The following RREB1 variants were observed in gnomAD, a reference collection of about 807,000 sequenced individuals.
RREB1 encodes the protein ras-responsive element-binding protein 1.
Under a neutral mutation model 117.8 loss-of-function variants are expected in RREB1, and 27 were observed. The observed-to-expected ratio is 0.23, with a 90% confidence interval of 0.17 to 0.32. RREB1 has a LOEUF of 0.32. Among genes scored for constraint, RREB1 ranks in the 10% least tolerant of loss-of-function variants. The pLI, the probability that RREB1 is intolerant of heterozygous loss-of-function variation, is 1.00. For missense variants in RREB1, 2,577 were observed against 2,378.2 expected (o/e 1.08, Z -1.74); for synonymous variants, 1,298 against 1,026.7 (o/e 1.26, Z -5.05).
At chr6:7,154,322 A>AG (rs1318586453) in intron 1 of RREB1, among the ~76,000 whole-genome samples, 1 of 152,204 alleles carries the variant, frequency 6.6e-6, no homozygotes, top group African/African-American at 2.4e-5. Flanking sequence ...AGAAATGTGG[A>AG]GGTGGGGCCC....
At chr6:7,172,607 G>C (rs1479145793) in intron 1 of RREB1, among the ~76,000 whole-genome samples, 1 of 152,060 alleles carries the variant, frequency 6.6e-6, no homozygotes, top group East Asian at 1.9e-4. Context: ...GTTGGACGAA[G>C]CAGCTCACGG....
intron 6 of RREB1, among the ~76,000 whole-genome samples, chr6:7,205,759 G>A (rs1440030606): frequency 6.6e-6 from 1 of 152,118 alleles, no homozygotes; most frequent in Non-Finnish European, 1.5e-5. Flanking sequence ...GTACTCTTTG[G>A]TTTAACTCTG....
Position 7,182,043 on chromosome 6 carries a change from G to A in RREB1, c.132G>A (p.Ser44=), listed in dbSNP as rs200955755. The change falls in exon 4 of 13, where the codon TCG becomes TCA. Residue 44 remains serine, a synonymous_variant. Transcript: ENST00000379938. ...GCCCCCAGGGGATCAAGTCCCCCTC[G>A]AAGCCTCCAGGACCAAATCGGATTG... ...GGSPQGIKSP[S]KPPGPNRIGR... 343 of 1,613,978 alleles carry A rather than the reference G, an allele frequency of 2.1e-4. 2 individuals carry two copies. The South Asian group carries it at 3.4e-3, about 16-fold the overall frequency.
chr6:7,140,059 C>T (rs1276157285), intron 1 of RREB1, among the ~76,000 whole-genome samples: 1 of 152,156 alleles, frequency 6.6e-6, no homozygotes, highest in Non-Finnish European at 1.5e-5. Flanking sequence ...AGTCCAAGGT[C>T]ACATGGATTT....
chr6:7,156,254 T>A (rs1209867105), intron 1 of RREB1, among the ~76,000 whole-genome samples: 1 of 152,228 alleles, frequency 6.6e-6, no homozygotes, highest in East Asian at 1.9e-4. Context: ...CCACTTCCTT[T>A]CCCTTCATCA....
Position 7,249,252 on chromosome 6 carries a change from TAAAC to T in RREB1, c.*288_*291del, listed in dbSNP as rs1267155142. ...GTTGTATTTTTCCAAAATGACTTCT[TAAAC>T]AAAACAAATATTATAATGAATTGTC... On this transcript the variant is annotated 3_prime_UTR_variant, in exon 13 of 13. Coordinates refer to ENST00000379938, the MANE Select transcript of RREB1 (RefSeq NM_001003699.4). 31 of 408,988 alleles carry T rather than the reference TAAAC, an allele frequency of 7.6e-5. 1 individual carries two copies. The highest frequency in any genetic ancestry group is 3.2e-4 in the Admixed American group (8 of 24,968). 25.3% of individuals were successfully genotyped at this position (408,988 alleles called of 1,614,324 possible). A position where few individuals can be genotyped will look rare whatever the true frequency, so the allele number is the denominator to read the frequency against.
Position 7,248,717 on chromosome 6 carries a change from G to A in RREB1, c.4978G>A (p.Ala1660Thr). The change falls in exon 13 of 13, where the codon GCT becomes ACT. Residue 1660 changes from alanine to threonine, a missense_variant. Physicochemically the swap from Ala to Thr is moderately conservative, Grantham distance 58. Coordinates refer to ENST00000379938, the MANE Select transcript of RREB1 (RefSeq NM_001003699.4). ...CGTCTCAGAGAACGAGGCTGAGCTG[G>A]CTCCCAATGCCAGCAACCACATGGC... is the stretch of plus-strand genomic sequence containing the variant. ...NAVSENEAEL[A>T]PNASNHMAVT... The A allele has an allele frequency of 6.2e-7, 1 of 1,614,186 alleles. No individual in the cohort carries two copies. The highest frequency in any genetic ancestry group is 8.5e-7 in the Non-Finnish European group (1 of 1,180,028).
chr6:7,137,368 A>G (rs556301310), intron 1 of RREB1, among the ~76,000 whole-genome samples: 93 of 152,352 alleles, frequency 6.1e-4, no homozygotes, highest in Non-Finnish European at 1.8e-4. Flanking sequence ...GACTGCAGTT[A>G]CTGCCATTGT....
At chr6:7,134,237 G>A (rs1762262375) in intron 1 of RREB1, among the ~76,000 whole-genome samples, 1 of 152,140 alleles carries the variant, frequency 6.6e-6, no homozygotes, top group Non-Finnish European at 1.5e-5. Context: ...TTTATTTTTG[G>A]ATAGCATGTG....
intron 1 of RREB1, among the ~76,000 whole-genome samples, chr6:7,131,397 A>G (rs1041190849): frequency 6.6e-6 from 1 of 152,266 alleles, no homozygotes; most frequent in Non-Finnish European, 1.5e-5. Flanking sequence ...CTTTTCAGTT[A>G]CCTAACTTAA....
At chr6:7,191,120 A>AGTT (rs1765377916) in intron 6 of RREB1, among the ~76,000 whole-genome samples, 1 of 152,078 alleles carries the variant, frequency 6.6e-6, no homozygotes, top group African/African-American at 2.4e-5. Context: ...TTCTACAATA[A>AGTT]CCTGTGTGGC....
chr6:7,212,389 A>G (rs1561783860), intron 8 of RREB1: 3 of 152,248 alleles, frequency 2.0e-5, no homozygotes, highest in Non-Finnish European at 4.4e-5. Context: ...TCCCACAAGA[A>G]TTCAGGGGAC....
At chr6:7,137,927 TCAAGGGTA>T (rs925471519) in intron 1 of RREB1, among the ~76,000 whole-genome samples, 5 of 152,300 alleles carry the variant, frequency 3.3e-5, no homozygotes, top group Admixed American at 2.6e-4. Flanking sequence ...CTTTTCTTTT[TCAAGGGTA>T]CCCAGTCTAA....
chr6:7,181,891 GA>G lies in RREB1; in HGVS notation c.-19del. 2 of 1,614,096 alleles carry G rather than the reference GA, an allele frequency of 1.2e-6. No homozygotes were observed. Among genetic ancestry groups the G allele is most frequent in the South Asian group, 1.1e-5 (1 of 91,086 alleles). ...TCAGTTTTATAGCAGAGGCTTCTTA[GA>G]AGCTTAAACCCCTGTCCCAATGACG... On this transcript the variant is annotated 5_prime_UTR_variant, in exon 4 of 13. An upstream open reading frame in the 5' UTR loses its in-frame stop. Transcript: ENST00000379938.
In RREB1 at chr6:7,230,451, C is replaced by A. The variant is rs777078029; in HGVS notation, c.2352C>A (p.His784Gln). 1.3e-5 allele frequency: 20 copies of A among 1,592,272 alleles called. No individual in the cohort carries two copies. The highest frequency in any genetic ancestry group is 1.7e-5 in the Non-Finnish European group (20 of 1,175,832). ...THCGRGLGGGHKGRKPFECKE... is the reference protein window; with the variant it reads ...THCGRGLGGGQKGRKPFECKE... The stretch of plus-strand genomic sequence containing the variant: ...GCGGCCGCGGCCTGGGCGGGGGCCA[C>A]AAGGGCCGCAAGCCCTTCGAGTGCA... The change falls in exon 10 of 13, where the codon CAC (histidine) becomes CAA (glutamine). Residue 784 changes from histidine to glutamine, a missense_variant. Transcript: ENST00000379938.
rs1467220691 is a variant in RREB1 at position 7,181,909 on chromosome 6, C to G, written c.-3C>G. The G allele has an allele frequency of 6.2e-7, 1 of 1,614,092 alleles. No individual in the cohort carries two copies. Among genetic ancestry groups the G allele is most frequent in the Non-Finnish European group, 8.5e-7 (1 of 1,180,012 alleles). ...CTTCTTAGAAGCTTAAACCCCTGTC[C>G]CAATGACGTCAAGTTCGCCCGCTGG... On this transcript the variant is annotated 5_prime_UTR_variant, in exon 4 of 13. Transcript: ENST00000379938.
At chr6:7,183,797 G>T (rs1213978565) in intron 4 of RREB1, 3 of 152,192 alleles carry the variant, frequency 2.0e-5, no homozygotes, top group Non-Finnish European at 2.9e-5. Context: ...AAAACTCAGT[G>T]GGGAGAGAGT....
At chr6:7,240,670 A>C in intron 11 of RREB1, 68 bp downstream of exon 11, 1 of 1,462,154 alleles carries the variant, frequency 6.8e-7, no homozygotes, top group African/African-American at 1.4e-5. Context: ...GAATTGTAGC[A>C]AACTCCAGTC....
intron 10 of RREB1, 41 bp downstream of exon 10, chr6:7,231,948 C>A: frequency 3.9e-6 from 6 of 1,534,904 alleles, no homozygotes; most frequent in Non-Finnish European, 4.4e-6. Flanking sequence ...AGTCCTACTT[C>A]CTGGTAGGGG....
Sources: gnomAD v4.1 joint callset for allele counts (sites outside exome capture counted in the v4.1 genomes callset) on GRCh38, gnomAD v4.1.1 for gene constraint, MANE v1.5 for transcripts, NCBI Gene and HGNC (gene_info 2026-07-23, HGNC 2026-07-21) for gene names.